HERC2: variants seen among roughly 807,000 people sequenced by gnomAD.
HERC2 encodes the protein HECT and RLD domain containing E3 ubiquitin protein ligase 2.
A neutral mutation model predicts 537.7 loss-of-function variants in HERC2; 102 were observed. The ratio of observed to expected loss-of-function variants is 0.19; its 90% CI spans 0.16 to 0.22. The LOEUF (loss-of-function observed/expected upper bound fraction) is 0.22. Among genes scored for constraint, HERC2 ranks in the 10% least tolerant of loss-of-function variants. HERC2 has a pLI of 1.00. For synonymous variants in HERC2, 2,224 were observed against 2,466.2 expected, an observed-to-expected ratio of 0.90 and a Z score of 2.91; for missense variants, 4,236 against 6,198.2, an observed-to-expected ratio of 0.68 and a Z score of 10.63.
chr15:28,142,258 G>T lies in HERC2; in HGVS notation c.11680C>A (p.Pro3894Thr), dbSNP rs765535190. The change falls in exon 76 of 93, where the codon CCC becomes ACC. Residue 3894 changes from proline (P) to threonine (T), a missense_variant. Around this residue, in one of 27 missense-constraint regions of HERC2, gnomAD observed 156 missense variants for 172.3 expected, o/e 0.91. Coordinates refer to ENST00000261609, the MANE Select transcript of HERC2 (RefSeq NM_004667.6). The stretch of plus-strand genomic sequence containing the variant: ...AATACCTCATCAAGAAACAGACGGG[G>T]CAACGGTGTTCTTTTGTCAAGGGCC... The part of the protein sequence containing the change: ...AVALDKRTPL[P>T]RLFLDEVAKK... 3 of 1,614,176 alleles carry T rather than the reference G, an allele frequency of 1.9e-6. No homozygotes were observed. Among genetic ancestry groups the T allele is most frequent in the Non-Finnish European group, 2.5e-6 (3 of 1,180,024 alleles).
At chr15:28,204,502 C>A (rs1042402365) in intron 45 of HERC2, among the ~76,000 whole-genome samples, 1 of 151,888 alleles carries the variant, frequency 6.6e-6, no homozygotes, top group Non-Finnish European at 1.5e-5. Flanking sequence ...CACCTGTAGT[C>A]CTAGCTACTC....
Position 28,246,023 on chromosome 15 carries a change from G to A in HERC2, c.3435C>T (p.Leu1145=), listed in dbSNP as rs200545514. The A allele has an allele frequency of 6.2e-7, 1 of 1,613,344 alleles. No homozygotes were observed. The highest frequency in any genetic ancestry group is 1.3e-5 in the African/African-American group (1 of 74,868). Residue 1145 remains leucine (L), a synonymous_variant, in exon 23 of 93, where the codon CTC becomes CTT. Coordinates refer to ENST00000261609, the MANE Select transcript of HERC2 (RefSeq NM_004667.6). The part of the protein sequence containing the change: ...PELVVSIVLL[L]SKNAGLMQEA... ...CTTGCATGAGACCAGCATTTTTACT[G>A]AGCAGAAGCACTATAGAAACTACTA...
At chr15:28,292,743 G>T in intron 4 of HERC2, 145 bp downstream of exon 4, 1 of 799,874 alleles carries the variant, frequency 1.3e-6, no homozygotes, top group South Asian at 1.8e-5. Flanking sequence ...TAAGTTTTAT[G>T]GTATGTATAT....
At position 28,315,097 on chromosome 15, in the gene HERC2, T is replaced by C. The variant is rs148064412; in HGVS notation, c.72+6265A>G. Among the ~76,000 whole-genome samples, 591 of 152,232 alleles carry C rather than the reference T, an allele frequency of 3.9e-3. 5 individuals carry two copies. The highest frequency in any genetic ancestry group is 0.013 in the African/African-American group (560 of 41,540). ...CTCAATGAGCTGCAAATACAACCAA[T>C]TGTTCAGCCAGCACATTCACTAGGC... On this transcript the variant is annotated intron_variant, in intron 2 of 92. Coordinates refer to ENST00000261609, the MANE Select transcript of HERC2 (RefSeq NM_004667.6).
intron 55 of HERC2, chr15:28,190,175 ATT>A (rs774381604): frequency 1.2e-4 from 14 of 118,288 alleles, no homozygotes; most frequent in African/African-American, 9.7e-5. Flanking sequence ...CGCCCGGCTA[ATT>A]TTTTTTTTTT....
At chr15:28,214,834 TAA>T in intron 39 of HERC2, 32 bp from the exon 40 acceptor site, 1 of 1,568,526 alleles carries the variant, frequency 6.4e-7, no homozygotes, top group Non-Finnish European at 8.7e-7. Context: ...CGACAAGCAT[TAA>T]AAAAAATCTG....
chr15:28,288,582 A>T (rs1321660155), intron 4 of HERC2, among the ~76,000 whole-genome samples: 1 of 150,774 alleles, frequency 6.6e-6, no homozygotes, highest in African/African-American at 2.4e-5. Flanking sequence ...CACACCTATA[A>T]TCCTATAATC....
At position 28,229,451 on chromosome 15, in the gene HERC2, A is replaced by C. The variant is rs746617325; in HGVS notation, c.5120+9T>G. ...CCTTAATTAAGAAAAAAATATGCTA[A>C]CGTTTTACCCTATATCGATTCCCTC... On this transcript the variant is annotated intron_variant, in intron 33 of 92. Coordinates refer to ENST00000261609, the MANE Select transcript of HERC2 (RefSeq NM_004667.6). 6.2e-7 allele frequency: 1 copy of C among 1,613,746 alleles called. No individual in the cohort carries two copies. The highest frequency in any genetic ancestry group is 8.5e-7 in the Non-Finnish European group (1 of 1,179,654).
Position 28,176,899 on chromosome 15 carries a change from A to G in HERC2, c.9432+51T>C, listed in dbSNP as rs1895342837. The G allele has an allele frequency of 3.1e-6, 5 of 1,590,298 alleles. No individual in the cohort carries two copies. The highest frequency in any genetic ancestry group is 4.3e-6 in the Non-Finnish European group (5 of 1,162,796). ...TAGACTTGAAGCTTATTTTCTCTTG[A>G]CATCTTCAGATGGTAAGCTTTCTGC... is the stretch of plus-strand genomic sequence containing the variant. On this transcript the variant is annotated intron_variant, in intron 61 of 92. Coordinates refer to ENST00000261609, the MANE Select transcript of HERC2 (RefSeq NM_004667.6). This position sits in a 1 kb window ranked among gnomAD's most constrained non-coding sequence, Gnocchi z 5.0.
intron 3 of HERC2, among the ~76,000 whole-genome samples, chr15:28,297,949 G>A (rs1296166126): frequency 2.0e-5 from 3 of 148,658 alleles, no homozygotes; most frequent in African/African-American, 2.5e-5. Context: ...AGCCAAATAC[G>A]GTGGCAGAAC....
chr15:28,178,430 T>C (rs1895504356), intron 59 of HERC2, among the ~76,000 whole-genome samples: 1 of 152,214 alleles, frequency 6.6e-6, no homozygotes, highest in African/African-American at 2.4e-5. Flanking sequence ...TAAAACTCTA[T>C]ATTGCTTAAG....
At chr15:28,319,543 C>T (rs2077177464) in intron 2 of HERC2, among the ~76,000 whole-genome samples, 2 of 149,136 alleles carry the variant, frequency 1.3e-5, no homozygotes, top group African/African-American at 2.5e-5. Context: ...CAAGATTGCG[C>T]CACTGCACGC....
intron 26 of HERC2, among the ~76,000 whole-genome samples, chr15:28,236,345 C>T (rs1281527193): frequency 1.3e-5 from 2 of 152,116 alleles, no homozygotes; most frequent in Non-Finnish European, 2.9e-5. Flanking sequence ...GGCTGGAGTG[C>T]AGTGGCGCGA....
At chr15:28,237,298 A>C (rs1158660868) in intron 25 of HERC2, among the ~76,000 whole-genome samples, 185 bp from the exon 26 acceptor site, 3 of 152,226 alleles carry the variant, frequency 2.0e-5, no homozygotes, top group Non-Finnish European at 2.9e-5. Flanking sequence ...TACCACATAA[A>C]CCCACATGCC....
intron 2 of HERC2, among the ~76,000 whole-genome samples, chr15:28,310,989 A>G (rs927895158): frequency 2.3e-5 from 3 of 132,534 alleles, no homozygotes; most frequent in Admixed American, 1.8e-4. Context: ...AGGCAAGGGA[A>G]TTGTTTGAAC....
intron 2 of HERC2, among the ~76,000 whole-genome samples, chr15:28,316,286 T>C (rs1159108015): frequency 1.3e-5 from 2 of 149,528 alleles, no homozygotes; most frequent in Admixed American, 6.7e-5. Flanking sequence ...ACCCTTTTCC[T>C]TTTTTTTTAA....
intron 53 of HERC2, 54 bp downstream of exon 53, chr15:28,191,907 A>G: frequency 6.6e-7 from 1 of 1,513,788 alleles, no homozygotes. Context: ...GAAAATGTAC[A>G]AGGCAAAACC....
At chr15:28,283,842 A>G (rs1468787591) in intron 4 of HERC2, among the ~76,000 whole-genome samples, 1 of 152,220 alleles carries the variant, frequency 6.6e-6, no homozygotes, top group Non-Finnish European at 1.5e-5. Flanking sequence ...CACCAGGTAC[A>G]ATCTGATAAG....
chr15:28,224,179 A>AG (rs1174303759), intron 35 of HERC2, among the ~76,000 whole-genome samples: 46 of 151,718 alleles, frequency 3.0e-4, no homozygotes, highest in Non-Finnish European at 5.4e-4. Context: ...AGAGAGAGAG[A>AG]AACAGACAGA....
Sources: gnomAD v4.1 joint callset for allele counts (sites outside exome capture counted in the v4.1 genomes callset) on GRCh38, gnomAD v4.1.1 for gene constraint, gnomAD v4.1.1 regional missense constraint, Gnocchi (gnomAD v3.1) non-coding constraint, MANE v1.5 for transcripts, NCBI Gene and HGNC (gene_info 2026-07-23, HGNC 2026-07-21) for gene names.